VPS54: variants seen among roughly 807,000 people sequenced by gnomAD.
VPS54 encodes vacuolar protein sorting-associated protein 54.
A neutral mutation model predicts 121.5 loss-of-function variants in VPS54; 45 were observed. That is an observed-to-expected ratio of 0.37 (90% CI 0.29 to 0.47). VPS54 has a LOEUF of 0.47. Among genes scored for constraint, VPS54 ranks in the 20% least tolerant of loss-of-function variants. The probability of loss-of-function intolerance (pLI) is 0.99; values close to 1 mark genes in which losing one functional copy is unlikely to be tolerated. For missense variants in VPS54, 1,090 were observed against 1,131.4 expected (o/e 0.96, Z 0.52); for synonymous variants, 371 against 385.8 (o/e 0.96, Z 0.45).
chr2:63,925,565 C>G (rs983083770), intron 12 of VPS54, among the ~76,000 whole-genome samples: 1 of 152,048 alleles, frequency 6.6e-6, no homozygotes, highest in Admixed American at 6.6e-5. Flanking sequence ...GAAGAATGTT[C>G]GTGACAATCC....
At chr2:64,010,093 C>T (rs535766005) in intron 1 of VPS54, among the ~76,000 whole-genome samples, 6 of 152,256 alleles carry the variant, frequency 3.9e-5, no homozygotes, top group Admixed American at 3.3e-4. Context: ...TCGCCCACCT[C>T]GGCCTCCCAA....
chr2:63,926,185 A>G (rs2104464379), intron 12 of VPS54, among the ~76,000 whole-genome samples: 1 of 152,278 alleles, frequency 6.6e-6, no homozygotes, highest in African/African-American at 2.4e-5. Flanking sequence ...CACCTTAGAC[A>G]CAGATGAAAA....
At chr2:64,010,236 G>A (rs1256923213) in intron 1 of VPS54, among the ~76,000 whole-genome samples, 4 of 152,174 alleles carry the variant, frequency 2.6e-5, no homozygotes, top group Non-Finnish European at 5.9e-5. Context: ...TAACACTGGA[G>A]CTGGACAGAG....
intron 10 of VPS54, among the ~76,000 whole-genome samples, chr2:63,944,055 AAAC>A (rs763823560): frequency 6.6e-6 from 1 of 151,942 alleles, no homozygotes; most frequent in Non-Finnish European, 1.5e-5. Flanking sequence ...TCTAGGGTGA[AAAC>A]AAAAAAAAAA....
intron 16 of VPS54, among the ~76,000 whole-genome samples, chr2:63,916,473 C>G (rs192355866): frequency 1.3e-5 from 2 of 152,062 alleles, no homozygotes; most frequent in African/African-American, 4.8e-5. Flanking sequence ...ACTTAATTTT[C>G]GCAATAATTC....
intron 20 of VPS54, among the ~76,000 whole-genome samples, chr2:63,905,829 C>T (rs1243656103): frequency 6.6e-6 from 1 of 152,024 alleles, no homozygotes; most frequent in Non-Finnish European, 1.5e-5. Context: ...GTTGGCTCAA[C>T]CTTAAAAAAT....
At chr2:63,933,517 T>C (rs1489784481) in intron 12 of VPS54, among the ~76,000 whole-genome samples, 156 bp downstream of exon 12, 1 of 152,194 alleles carries the variant, frequency 6.6e-6, no homozygotes, top group Admixed American at 6.5e-5. Context: ...TTACTTCTCA[T>C]ACATTTTTAT....
intron 12 of VPS54, among the ~76,000 whole-genome samples, chr2:63,927,616 C>T (rs1358195367): frequency 1.3e-5 from 2 of 152,176 alleles, no homozygotes; most frequent in Admixed American, 1.3e-4. Context: ...TCCAAAGGAA[C>T]ACAAATCCTC....
intron 20 of VPS54, among the ~76,000 whole-genome samples, chr2:63,910,958 G>C (rs9677805): frequency 0.098 from 14,903 of 152,082 alleles, 1,231 homozygotes; most frequent in African/African-American, 0.23. Context: ...ACCTAGACTG[G>C]AGTGCAGTGG....
chr2:63,976,178 C>T (rs1676518025), intron 3 of VPS54, among the ~76,000 whole-genome samples: 1 of 151,834 alleles, frequency 6.6e-6, no homozygotes, highest in Non-Finnish European at 1.5e-5. Flanking sequence ...CCCGTCACTA[C>T]AAAATATGCA....
chr2:64,007,305 G>A (rs190137029), intron 1 of VPS54, among the ~76,000 whole-genome samples: 129 of 152,328 alleles, frequency 8.5e-4, no homozygotes, highest in Middle Eastern at 3.4e-3. Context: ...AGACGAGGAG[G>A]TGGTAGGGGA....
At chr2:63,928,087 C>G (rs1673999815) in intron 12 of VPS54, among the ~76,000 whole-genome samples, 1 of 152,236 alleles carries the variant, frequency 6.6e-6, no homozygotes, top group African/African-American at 2.4e-5. Context: ...AGAAAACACT[C>G]TTCAGGATAC....
intron 1 of VPS54, among the ~76,000 whole-genome samples, chr2:63,985,140 T>A (rs1340249347): frequency 6.6e-6 from 1 of 152,072 alleles, no homozygotes; most frequent in African/African-American, 2.4e-5. Flanking sequence ...AACGACATGA[T>A]GAAACCTCGT....
chr2:63,991,558 G>A (rs534333332), intron 1 of VPS54, among the ~76,000 whole-genome samples: 1 of 152,288 alleles, frequency 6.6e-6, no homozygotes, highest in Admixed American at 6.5e-5. Context: ...CAGAAAAATT[G>A]CACTGTTAAA....
chr2:63,924,374 T>A (rs1218707259), intron 12 of VPS54, among the ~76,000 whole-genome samples: 1 of 151,970 alleles, frequency 6.6e-6, no homozygotes, highest in Non-Finnish European at 1.5e-5. Context: ...TGCTTGTTTT[T>A]AAAAAGAAAG....
At chr2:64,018,846 G>C (rs1678839100) in intron 1 of VPS54, 92 bp downstream of exon 1, 1 of 151,364 alleles carries the variant, frequency 6.6e-6, no homozygotes, top group Non-Finnish European at 1.5e-5. Context: ...CTGGGGAGGA[G>C]AGCCGAGGGG....
intron 11 of VPS54, among the ~76,000 whole-genome samples, chr2:63,936,098 T>C (rs1385868536): frequency 6.6e-6 from 1 of 152,174 alleles, no homozygotes; most frequent in Non-Finnish European, 1.5e-5. Context: ...GGACTTTTCT[T>C]TAATTCCCAG....
chr2:63,979,241 GT>G (rs768489534), intron 3 of VPS54, among the ~76,000 whole-genome samples: 114 of 123,544 alleles, frequency 9.2e-4, no homozygotes, highest in Non-Finnish European at 1.2e-3. Flanking sequence ...TTTTCTGTTT[GT>G]TTTTTTTTTT....
intron 12 of VPS54, among the ~76,000 whole-genome samples, chr2:63,932,446 G>A (rs539970502): frequency 2.0e-5 from 3 of 152,242 alleles, no homozygotes; most frequent in Admixed American, 2.0e-4. Flanking sequence ...TCATAAGTGG[G>A]AGCTGAACAA....
Sources: gnomAD v4.1 joint callset for allele counts (sites outside exome capture counted in the v4.1 genomes callset) on GRCh38, gnomAD v4.1.1 for gene constraint, MANE v1.5 for transcripts, NCBI Gene and HGNC (gene_info 2026-07-23, HGNC 2026-07-21) for gene names.